The following CIC variants were observed in gnomAD, a reference collection of about 807,000 sequenced individuals.
CIC encodes the protein capicua transcriptional repressor.
CIC carries 18 observed loss-of-function variants against 115.7 expected under a neutral mutation model. That is an observed-to-expected ratio of 0.16 (90% CI 0.11 to 0.23). The LOEUF is 0.23. Among genes scored for constraint, CIC ranks in the 10% least tolerant of loss-of-function variants. CIC has a pLI of 1.00. For synonymous variants in CIC, 1,076 were observed against 923.0 expected (o/e 1.17, Z -3.01); for missense variants, 2,000 against 2,159.3 (o/e 0.93, Z 1.46).
At chr19:42,294,144 C>G (rs774740229) in intron 18 of CIC, 29 bp from the exon 19 acceptor site, 2 of 1,613,896 alleles carry the variant, frequency 1.2e-6, no homozygotes, top group Admixed American at 1.7e-5. Context: ...CTGGGGCCAC[C>G]TGCACTGAGT....
chr19:42,290,967 G>T lies in CIC; in HGVS notation c.4926G>T (p.Lys1642Asn). The T allele has an allele frequency of 6.2e-7, 1 of 1,613,766 alleles. No individual in the cohort carries two copies. Among genetic ancestry groups the T allele is most frequent in the Non-Finnish European group, 8.5e-7 (1 of 1,179,996 alleles). The change falls in exon 11 of 21, where the codon AAG (lysine) becomes AAT (asparagine). Residue 1642 changes from lysine (K) to asparagine (N), a missense_variant. Coordinates refer to ENST00000681038, the MANE Select transcript of CIC (RefSeq NM_001386298.1). ...TCAGCTTAGTGTATTCGGACAAGAA[G>T]TCGGCAGCAGCCACCTCACCAGCCC... ...LGVSLVYSDK[K>N]SAAATSPAPH...
chr19:42,288,325 TAAAC>T (rs2037811601), intron 7 of CIC, among the ~76,000 whole-genome samples: 1 of 152,134 alleles, frequency 6.6e-6, no homozygotes, highest in South Asian at 2.1e-4. Context: ...CTTAAAGTCA[TAAAC>T]AAGCAAATGA....
At chr19:42,285,041 C>T (rs987605097) in intron 2 of CIC, among the ~76,000 whole-genome samples, 2 of 152,040 alleles carry the variant, frequency 1.3e-5, no homozygotes, top group Non-Finnish European at 2.9e-5. Context: ...TGCAGAGTAA[C>T]TGGCTCTGGA....
intron 7 of CIC, among the ~76,000 whole-genome samples, chr19:42,288,532 A>G (rs1442475392): frequency 6.6e-6 from 1 of 152,082 alleles, no homozygotes; most frequent in Non-Finnish European, 1.5e-5. Context: ...GATAGTTGCT[A>G]TGGATATGCA....
chr19:42,276,433 G>A (rs903874234), intron 2 of CIC, among the ~76,000 whole-genome samples: 4 of 152,200 alleles, frequency 2.6e-5, no homozygotes, highest in Non-Finnish European at 5.9e-5. Context: ...AGGGAGGAAG[G>A]AGGCTGGGTG....
chr19:42,293,564 G>A (rs773662599), intron 16 of CIC, 28 bp from the exon 17 acceptor site: 5 of 1,613,554 alleles, frequency 3.1e-6, no homozygotes, highest in South Asian at 2.2e-5. Context: ...CTCAGTGTTC[G>A]CCATCTCCCT....
At chr19:42,281,981 C>T (rs764854356) in intron 2 of CIC, among the ~76,000 whole-genome samples, 10 of 152,158 alleles carry the variant, frequency 6.6e-5, no homozygotes, top group Admixed American at 1.3e-4. Flanking sequence ...GTTAACTTGC[C>T]AGTAGGTGAC....
intron 7 of CIC, 92 bp downstream of exon 7, chr19:42,288,067 C>G: frequency 1.4e-6 from 2 of 1,396,170 alleles, no homozygotes; most frequent in South Asian, 2.5e-5. Context: ...GCCCCAGCAG[C>G]TCCTCTCTGC....
chr19:42,283,512 T>C (rs3810148), intron 2 of CIC, among the ~76,000 whole-genome samples: 7,976 of 151,964 alleles, frequency 0.052, 293 homozygotes, highest in South Asian at 0.15. Context: ...CCGTGGGGTG[T>C]GTAGGAGATA....
rs1273105829 is a variant in CIC at position 42,286,856 on chromosome 19, C to G, written c.2880C>G (p.Pro960=). 6.2e-7 allele frequency: 1 copy of G among 1,613,682 alleles called. No homozygotes were observed. The highest frequency in any genetic ancestry group is 8.5e-7 in the Non-Finnish European group (1 of 1,179,986). The change falls in exon 3 of 21, where the codon CCC becomes CCG. Residue 960 remains proline, a synonymous_variant. Coordinates refer to ENST00000681038, the MANE Select transcript of CIC (RefSeq NM_001386298.1). ...TCCTGGCACCCAGCCAGCCTGACCC[C>G]TCCGTGCAGCCGAGCGAGGCCCAGC... is the stretch of plus-strand genomic sequence containing the variant. ...VPFLAPSQPD[P]SVQPSEAQQP... is the part of the protein sequence containing the mutation.
chr19:42,289,993 C>T, intron 10 of CIC, 42 bp downstream of exon 10: 1 of 1,511,298 alleles, frequency 6.6e-7, no homozygotes, highest in Middle Eastern at 1.7e-4. Context: ...ACACTCCCTC[C>T]TAAGCCATGG....
Position 42,293,204 on chromosome 19 carries a change from A to C in CIC, c.6445A>C (p.Thr2149Pro). 1 of 1,597,702 alleles carries C rather than the reference A, an allele frequency of 6.3e-7. No homozygotes were observed. Among genetic ancestry groups the C allele is most frequent in the African/African-American group, 1.3e-5 (1 of 74,244 alleles). Reference protein sequence around the residue: ...PAPPPLPETWTPTARSSPPLP... With the variant: ...PAPPPLPETWPPTARSSPPLP... Reference sequence around the variant, plus strand: ...CCCTCCACCCCTGCCAGAGACCTGGACTCCCACGGCCCGGAGCAGCCCCCC... The same window carrying C: ...CCCTCCACCCCTGCCAGAGACCTGGCCTCCCACGGCCCGGAGCAGCCCCCC... Residue 2149 changes from threonine to proline, a missense_variant, in exon 16 of 21, where the codon ACT (threonine) becomes CCT (proline). Around this residue, in one of 8 missense-constraint regions of CIC, gnomAD observed 1,466 missense variants for 1,390.4 expected, o/e 1.05. Coordinates refer to ENST00000681038, the MANE Select transcript of CIC (RefSeq NM_001386298.1).
chr19:42,294,754 C>A lies in CIC; in HGVS notation c.7186+19C>A, dbSNP rs1226388880. The A allele has an allele frequency of 2.5e-5, 40 of 1,612,266 alleles. No homozygotes were observed. The highest frequency in any genetic ancestry group is 3.4e-5 in the Non-Finnish European group (40 of 1,180,006). ...CCGTCAGGTGAGCCTGTCTCGGAGTCTTGGGGTCACTCGGGTGGGACTTAT... is the reference window on the plus strand; with the variant it reads ...CCGTCAGGTGAGCCTGTCTCGGAGTATTGGGGTCACTCGGGTGGGACTTAT... On this transcript the variant is annotated intron_variant, in intron 20 of 20. Coordinates refer to ENST00000681038, the MANE Select transcript of CIC (RefSeq NM_001386298.1).
At chr19:42,283,827 C>T (rs1353661876) in intron 2 of CIC, among the ~76,000 whole-genome samples, 1 of 152,060 alleles carries the variant, frequency 6.6e-6, no homozygotes, top group African/African-American at 2.4e-5. Flanking sequence ...GCGGCCCCGC[C>T]CCCGGCCGGC....
chr19:42,279,061 A>G (rs1313315132), intron 2 of CIC, among the ~76,000 whole-genome samples: 1 of 152,218 alleles, frequency 6.6e-6, no homozygotes, highest in African/African-American at 2.4e-5. Context: ...TGCCAGCTTC[A>G]TTGAAAGGAG....
At chr19:42,281,753 C>A (rs1444800284) in intron 2 of CIC, among the ~76,000 whole-genome samples, 1 of 152,226 alleles carries the variant, frequency 6.6e-6, no homozygotes, top group Non-Finnish European at 1.5e-5. Flanking sequence ...CAGGCTAGGC[C>A]CCCACTTGGT....
At position 42,289,364 on chromosome 19, in the gene CIC, C is replaced by T; in HGVS notation, c.4045C>T (p.Arg1349Cys). The T allele has an allele frequency of 1.2e-6, 2 of 1,611,384 alleles. No individual in the cohort carries two copies. The highest frequency in any genetic ancestry group is 1.7e-5 in the Admixed American group (1 of 59,290). Residue 1349 changes from arginine to cysteine, a missense_variant, in exon 9 of 21, where the codon CGC (arginine) becomes TGC (cysteine). Physicochemically the swap from Arg to Cys is radical, Grantham distance 180 (BLOSUM62 -3). Around this residue, in one of 8 missense-constraint regions of CIC, gnomAD observed 1,466 missense variants for 1,390.4 expected, o/e 1.05. Coordinates refer to ENST00000681038, the MANE Select transcript of CIC (RefSeq NM_001386298.1). ...TGAGGACATGACGAGTGATGAGGAG[C>T]GCATGGTCATCTGTGAGGAGGAAGG... ...ASEDMTSDEE[R>C]MVICEEEGDD...
At position 42,295,222 on chromosome 19, in the gene CIC, G is replaced by T. The variant is rs893946382; in HGVS notation, c.*31G>T. On this transcript the variant is annotated 3_prime_UTR_variant, in exon 21 of 21. Coordinates refer to ENST00000681038, the MANE Select transcript of CIC (RefSeq NM_001386298.1). ...CCCTGAGAAGATGCCAGGACTTATAGTACCCCCTCAGGACATGGACAGTAT... is the reference window on the plus strand; with the variant it reads ...CCCTGAGAAGATGCCAGGACTTATATTACCCCCTCAGGACATGGACAGTAT... The T allele has an allele frequency of 4.6e-6, 7 of 1,515,608 alleles. No homozygotes were observed. Among genetic ancestry groups the T allele is most frequent in the African/African-American group, 4.2e-5 (3 of 70,916 alleles). The allele number at this position is 1,515,608 out of a possible 1,614,324, so 93.9% of individuals were successfully genotyped here.
chr19:42,271,893 GTGACAAGCCAGAGGAGGAGGA>G lies in CIC; in HGVS notation c.115_135del (p.Lys39_Asp45del). 2.5e-6 allele frequency: 1 copy of G among 398,970 alleles called. No individual in the cohort carries two copies. Among genetic ancestry groups the G allele is most frequent in the Non-Finnish European group, 4.4e-6 (1 of 226,306 alleles). 24.7% of individuals were successfully genotyped at this position (398,970 alleles called of 1,614,324 possible). On this transcript the variant is annotated inframe_deletion, in exon 2 of 21. Coordinates refer to ENST00000681038, the MANE Select transcript of CIC (RefSeq NM_001386298.1). ...CTGAGGCGGCGAGGGGCTGGGGAGGGTGACAAGCCAGAGGAGGAGGATGACGAGGCACAGCAGCCGCAACCA... is the reference window on the plus strand; with the variant it reads ...CTGAGGCGGCGAGGGGCTGGGGAGGGTGACGAGGCACAGCAGCCGCAACCA...
Sources: allele counts gnomAD v4.1 joint callset (sites outside exome capture counted in the v4.1 genomes callset), GRCh38; gene constraint gnomAD v4.1.1; regional missense constraint gnomAD v4.1.1; transcripts MANE v1.5; gene names NCBI Gene and HGNC (gene_info 2026-07-23, HGNC 2026-07-21).